Variants in KIAA1328 observed in about 807,000 individuals in gnomAD.
The protein encoded by KIAA1328 is protein hinderin.
KIAA1328 carries 52 observed loss-of-function variants against 68.1 expected under a neutral mutation model. The observed-to-expected ratio is 0.76, with a 90% CI of 0.61 to 0.96. KIAA1328 has a LOEUF of 0.96. Ranked by LOEUF, KIAA1328 falls within the 40% of genes least tolerant of loss-of-function variation. The pLI is 0.00. For synonymous variants in KIAA1328, 232 were observed against 239.4 expected, an observed-to-expected ratio of 0.97 and a Z score of 0.28; for missense variants, 641 against 677.6, an observed-to-expected ratio of 0.95 and a Z score of 0.60.
intron 6 of KIAA1328, among the ~76,000 whole-genome samples, chr18:36,971,437 C>G (rs1407149474): frequency 6.6e-6 from 1 of 152,110 alleles, no homozygotes; most frequent in Non-Finnish European, 1.5e-5. Flanking sequence ...CAAGACCAGC[C>G]TGACCAACAT....
At chr18:37,075,043 A>T (rs2056669181) in intron 7 of KIAA1328, 3 of 151,482 alleles carry the variant, frequency 2.0e-5, no homozygotes, top group South Asian at 2.1e-4. Flanking sequence ...GATTCACCAA[A>T]GTTGAAATGA....
At chr18:37,169,046 TTTA>T (rs1265643382) in intron 8 of KIAA1328, among the ~76,000 whole-genome samples, 1 of 152,152 alleles carries the variant, frequency 6.6e-6, no homozygotes, top group Non-Finnish European at 1.5e-5. Flanking sequence ...TATGTGCGTG[TTTA>T]TGTAAATGCA....
At chr18:37,072,101 A>G (rs560730504) in intron 7 of KIAA1328, among the ~76,000 whole-genome samples, 9 of 152,070 alleles carry the variant, frequency 5.9e-5, no homozygotes, top group Non-Finnish European at 1.0e-4. Context: ...CTGTGTTTCT[A>G]TTTTTTTCTA....
intron 5 of KIAA1328, among the ~76,000 whole-genome samples, chr18:36,899,418 G>T (rs2048963200): frequency 6.6e-6 from 1 of 151,776 alleles, no homozygotes; most frequent in South Asian, 2.1e-4. Flanking sequence ...GATCAGAAAA[G>T]ATCTGACTCA....
At chr18:37,051,970 A>C (rs1186564988) in intron 6 of KIAA1328, among the ~76,000 whole-genome samples, 4 of 151,558 alleles carry the variant, frequency 2.6e-5, no homozygotes, top group Non-Finnish European at 5.9e-5. Context: ...TGAAACTAGG[A>C]GGTGGAGGTT....
In KIAA1328 at chr18:37,101,802, G is replaced by A. The variant is rs1209832134; in HGVS notation, c.1232+34257G>A. Among the ~76,000 whole-genome samples, 5 of 152,216 alleles carry A rather than the reference G, an allele frequency of 3.3e-5. No homozygotes were observed. In the East Asian group the frequency reaches 9.6e-4, roughly 29 times the overall value. On this transcript the variant is annotated intron_variant, in intron 7 of 9. Transcript: ENST00000280020. ...GTTACCCACAAAGGGAAACCCATCAGACTAACAGCTGATCTCTGGGCAGAA... is the reference window on the plus strand; with the variant it reads ...GTTACCCACAAAGGGAAACCCATCAAACTAACAGCTGATCTCTGGGCAGAA...
intron 7 of KIAA1328, among the ~76,000 whole-genome samples, chr18:37,123,901 G>C (rs1288553513): frequency 6.6e-6 from 1 of 152,112 alleles, no homozygotes; most frequent in Non-Finnish European, 1.5e-5. Flanking sequence ...GATAGTAAAG[G>C]TTCCTGTTAA....
intron 7 of KIAA1328, among the ~76,000 whole-genome samples, chr18:37,112,442 G>A (rs2057961134): frequency 1.3e-5 from 2 of 152,200 alleles, no homozygotes; most frequent in Admixed American, 6.5e-5. Flanking sequence ...AACTCCAACA[G>A]ACCTGTGGCT....
chr18:37,073,398 A>G (rs2056602107), intron 7 of KIAA1328, among the ~76,000 whole-genome samples: 1 of 152,244 alleles, frequency 6.6e-6, no homozygotes. Context: ...TGGCCAACAA[A>G]CATATGAAAA....
intron 5 of KIAA1328, among the ~76,000 whole-genome samples, chr18:36,901,043 A>G (rs2049020496): frequency 6.6e-6 from 1 of 152,076 alleles, no homozygotes; most frequent in Non-Finnish European, 1.5e-5. Context: ...GTTGTCTTGA[A>G]TGAAGAGGTG....
chr18:37,138,058 A>T (rs950699072), intron 7 of KIAA1328, among the ~76,000 whole-genome samples: 49 of 152,294 alleles, frequency 3.2e-4, no homozygotes, highest in African/African-American at 1.2e-3. Context: ...AACACCTTCT[A>T]TGTACTAGAT....
intron 6 of KIAA1328, among the ~76,000 whole-genome samples, chr18:37,047,900 T>G (rs541958827): frequency 4.7e-4 from 71 of 152,290 alleles, no homozygotes; most frequent in Non-Finnish European, 9.0e-4. Flanking sequence ...TGGCAGCCTA[T>G]ACTTTTGGAT....
At chr18:36,931,936 A>G (rs939195451) in intron 5 of KIAA1328, among the ~76,000 whole-genome samples, 5 of 151,868 alleles carry the variant, frequency 3.3e-5, no homozygotes, top group African/African-American at 1.2e-4. Flanking sequence ...TACCTTGCAT[A>G]GTATATTTCA....
intron 3 of KIAA1328, among the ~76,000 whole-genome samples, chr18:36,838,401 T>C (rs1243849372): frequency 6.6e-6 from 1 of 152,248 alleles, no homozygotes; most frequent in Non-Finnish European, 1.5e-5. Flanking sequence ...TTTCATTCTT[T>C]CACGTGTATC....
intron 4 of KIAA1328, among the ~76,000 whole-genome samples, chr18:36,863,908 G>C (rs1036227883): frequency 1.3e-5 from 2 of 152,108 alleles, no homozygotes; most frequent in Non-Finnish European, 2.9e-5. Flanking sequence ...GAGTTTTGCT[G>C]TTTATTCTTT....
At chr18:37,012,732 T>C (rs1053452284) in intron 6 of KIAA1328, among the ~76,000 whole-genome samples, 1 of 152,178 alleles carries the variant, frequency 6.6e-6, no homozygotes, top group Non-Finnish European at 1.5e-5. Context: ...TGGAGTGTAG[T>C]TTAATAAATT....
chr18:37,151,569 T>TG (rs1407705730), intron 7 of KIAA1328, among the ~76,000 whole-genome samples: 2 of 152,174 alleles, frequency 1.3e-5, no homozygotes, highest in African/African-American at 2.4e-5. Flanking sequence ...GGTATTCACC[T>TG]TAAGATGCAT....
intron 5 of KIAA1328, among the ~76,000 whole-genome samples, chr18:36,958,475 G>C (rs922034489): frequency 4.6e-5 from 7 of 152,090 alleles, no homozygotes; most frequent in Non-Finnish European, 8.8e-5. Context: ...TTACGTAGGA[G>C]GGTTCCAGTT....
chr18:37,002,972 G>A lies in KIAA1328; in HGVS notation c.576+43537G>A, dbSNP rs529791013. Among the ~76,000 whole-genome samples the A allele has an allele frequency of 1.5e-4, 23 of 152,190 alleles. No individual in the cohort carries two copies. The East Asian group carries it at 4.4e-3, about 29-fold the overall frequency. ...ATCGGAACCAAAATAGTATGCCATT[G>A]ATTTAAAAATAGACATATAGACCAA... is the stretch of plus-strand genomic sequence containing the variant. On this transcript the variant is annotated intron_variant, in intron 6 of 9. Transcript: ENST00000280020.
Sources: gnomAD v4.1 joint callset for allele counts (sites outside exome capture counted in the v4.1 genomes callset) on GRCh38, gnomAD v4.1.1 for gene constraint, MANE v1.5 for transcripts, NCBI Gene and HGNC (gene_info 2026-07-23, HGNC 2026-07-21) for gene names.